ARHGAP22: variants seen among roughly 807,000 people sequenced by gnomAD.
ARHGAP22 encodes Rho GTPase activating protein 22, also known as rho GTPase-activating protein 22.
In ARHGAP22, 48 loss-of-function variants were observed where a neutral mutation model predicts 59.1. The ratio of observed to expected loss-of-function variants is 0.81; its 90% CI spans 0.64 to 1.03. ARHGAP22 has a LOEUF of 1.03. Ranked by LOEUF, ARHGAP22 falls within the 50% of genes least tolerant of loss-of-function variation. ARHGAP22 has a pLI of 0.00. For synonymous variants in ARHGAP22, 445 were observed against 416.4 expected, an observed-to-expected ratio of 1.07 and a Z score of -0.84; for missense variants, 1,015 against 958.7, an observed-to-expected ratio of 1.06 and a Z score of -0.78.
upstream of ARHGAP22, chr10:48,605,106 T>C: frequency 8.2e-7 from 1 of 1,224,176 alleles, no homozygotes; most frequent in African/African-American, 1.6e-5. Flanking sequence ...CCGCCTGGCC[T>C]GGGCGCACGC....
intron 1 of ARHGAP22, among the ~76,000 whole-genome samples, chr10:48,615,577 T>A (rs1428734311): frequency 6.6e-6 from 1 of 152,122 alleles, no homozygotes; most frequent in Non-Finnish European, 1.5e-5. Flanking sequence ...AAAAATATTG[T>A]CCAGAAACAA....
intron 1 of ARHGAP22, among the ~76,000 whole-genome samples, chr10:48,632,705 C>T (rs1374268801): frequency 6.6e-6 from 1 of 152,188 alleles, no homozygotes; most frequent in African/African-American, 2.4e-5. Flanking sequence ...ACAAGACCAG[C>T]CTCACTTCCA....
At chr10:48,607,646 A>T (rs2060727760), upstream of ARHGAP22, among the ~76,000 whole-genome samples, 1 of 152,002 alleles carries the variant, frequency 6.6e-6, no homozygotes, top group Non-Finnish European at 1.5e-5. Context: ...AACCAGCCCT[A>T]CTCTTCTCAC....
chr10:48,593,859 T>C (rs1419483855), intron 1 of ARHGAP22, among the ~76,000 whole-genome samples: 1 of 152,194 alleles, frequency 6.6e-6, no homozygotes, highest in East Asian at 1.9e-4. Context: ...TCTCAGCGGG[T>C]GCTCGTGTTT....
chr10:48,443,653 G>T (rs1361045063), downstream of ARHGAP22, among the ~76,000 whole-genome samples: 1 of 152,076 alleles, frequency 6.6e-6, no homozygotes, highest in African/African-American at 2.4e-5. Context: ...TACTGGGAGG[G>T]CTCTGCAGGG....
upstream of ARHGAP22, among the ~76,000 whole-genome samples, chr10:48,655,264 G>T (rs995686632): frequency 1.5e-5 from 2 of 137,910 alleles, no homozygotes; most frequent in Non-Finnish European, 3.2e-5. Context: ...TGTGGGGGGG[G>T]GGGGGGGCGG....
intron 1 of ARHGAP22, among the ~76,000 whole-genome samples, chr10:48,610,830 G>C (rs1412937708): frequency 6.6e-6 from 1 of 152,158 alleles, no homozygotes; most frequent in Non-Finnish European, 1.5e-5. Context: ...CCCAAGAAGG[G>C]AGTGAAGTTG....
chr10:48,474,496 G>A (rs2048521444), intron 4 of ARHGAP22, among the ~76,000 whole-genome samples: 1 of 150,660 alleles, frequency 6.6e-6, no homozygotes. Context: ...GTGAAGGCAA[G>A]AATCCTTGTC....
At chr10:48,605,997 G>A (rs536313241), upstream of ARHGAP22, among the ~76,000 whole-genome samples, 2 of 152,266 alleles carry the variant, frequency 1.3e-5, no homozygotes, top group Admixed American at 6.5e-5. Context: ...TTGAGCCCCC[G>A]ATGAACTTGC....
rs570550299 is a variant in ARHGAP22, at chr10:48,496,551, C to T, written c.323-16787G>A. 2.0e-5 allele frequency among the ~76,000 whole-genome samples: 3 copies of T among 152,292 alleles called. No homozygotes were observed. The South Asian group carries it at 6.2e-4, about 32-fold the overall frequency. On this transcript the variant is annotated intron_variant, in intron 3 of 9. Coordinates refer to ENST00000249601, the MANE Select transcript of ARHGAP22 (RefSeq NM_021226.4). ...AGCAAGAATTCCCAGCCCAGAGCTG[C>T]TGCCTCCAGGGCTGCCTGTTCTGGC...
chr10:48,655,058 T>C (rs1565069960), upstream of ARHGAP22, among the ~76,000 whole-genome samples: 18 of 26,746 alleles, frequency 6.7e-4, 2 homozygotes, highest in African/African-American at 2.1e-3. Flanking sequence ...TTCTTTCTCC[T>C]TCCTTCCCTC....
At chr10:48,512,191 T>C (rs1294072492) in intron 3 of ARHGAP22, among the ~76,000 whole-genome samples, 2 of 152,274 alleles carry the variant, frequency 1.3e-5, no homozygotes, top group African/African-American at 4.8e-5. Context: ...AAATGGCATA[T>C]GCTGCTTTTC....
At chr10:48,582,529 T>G (rs2059179483) in intron 2 of ARHGAP22, among the ~76,000 whole-genome samples, 1 of 152,196 alleles carries the variant, frequency 6.6e-6, no homozygotes, top group Admixed American at 6.5e-5. Flanking sequence ...ACAGAAACCC[T>G]ATGCAGGATG....
chr10:48,539,458 A>AT (rs1271311266), intron 3 of ARHGAP22, among the ~76,000 whole-genome samples: 3 of 150,386 alleles, frequency 2.0e-5, no homozygotes, highest in South Asian at 4.3e-4. Context: ...CGCCCGGCTA[A>AT]TTTTTTGTAT....
intron 2 of ARHGAP22, among the ~76,000 whole-genome samples, chr10:48,574,457 G>C (rs558655303): frequency 1.3e-5 from 2 of 152,330 alleles, no homozygotes; most frequent in South Asian, 4.1e-4. Context: ...AATAATAGCA[G>C]TGACATCCTC....
chr10:48,453,514 G>GCCTGAAGC, intron 7 of ARHGAP22, 89 bp from the exon 8 acceptor site: 1 of 1,566,180 alleles, frequency 6.4e-7, no homozygotes, highest in Non-Finnish European at 8.7e-7. Context: ...CCACACCCCT[G>GCCTGAAGC]CTGAGCCCTG....
At chr10:48,471,365 T>A (rs2048211191) in intron 4 of ARHGAP22, among the ~76,000 whole-genome samples, 1 of 152,228 alleles carries the variant, frequency 6.6e-6, no homozygotes, top group South Asian at 2.1e-4. Context: ...CTGCCACTGG[T>A]AAGGTTGGGA....
At chr10:48,462,429 A>G (rs993159984) in intron 4 of ARHGAP22, among the ~76,000 whole-genome samples, 14 of 152,180 alleles carry the variant, frequency 9.2e-5, no homozygotes, top group African/African-American at 3.4e-4. Flanking sequence ...TTGCCTGTTC[A>G]GTTTGTAGGA....
intron 3 of ARHGAP22, 67 bp downstream of exon 3, chr10:48,555,396 C>T: frequency 6.6e-7 from 1 of 1,506,508 alleles, no homozygotes; most frequent in South Asian, 1.1e-5. Flanking sequence ...AAGGTCTGCC[C>T]TTCCCAGGCC....
Sources: gnomAD v4.1 joint callset for allele counts (sites outside exome capture counted in the v4.1 genomes callset) on GRCh38, gnomAD v4.1.1 for gene constraint, MANE v1.5 for transcripts, NCBI Gene and HGNC (gene_info 2026-07-23, HGNC 2026-07-21) for gene names.